The following CDH23 variants were observed in gnomAD, a reference collection of about 807,000 sequenced individuals.
The protein encoded by CDH23 is cadherin related 23.
CDH23 carries 189 observed loss-of-function variants against 317.1 expected under a neutral mutation model. The ratio of observed to expected loss-of-function variants is 0.60; its 90% CI spans 0.53 to 0.67. The LOEUF (loss-of-function observed/expected upper bound fraction) is 0.67. Among genes scored for constraint, CDH23 ranks in the 30% least tolerant of loss-of-function variants. The pLI, the probability that CDH23 is intolerant of heterozygous loss-of-function variation, is 0.00. For missense variants in CDH23, 4,401 were observed against 4,592.4 expected (o/e 0.96, Z 1.20); for synonymous variants, 1,839 against 1,876.8 (o/e 0.98, Z 0.52).
intron 3 of CDH23, among the ~76,000 whole-genome samples, chr10:71,454,298 C>T (rs1036228031): frequency 3.3e-5 from 5 of 152,176 alleles, no homozygotes; most frequent in African/African-American, 9.7e-5. Flanking sequence ...TTGTAAAACC[C>T]TTAGAACTGT....
At chr10:71,624,716 G>A (rs901942409) in intron 11 of CDH23, among the ~76,000 whole-genome samples, 2 of 149,216 alleles carry the variant, frequency 1.3e-5, no homozygotes, top group African/African-American at 5.0e-5. Context: ...AAAAGAAAAA[G>A]CATACTTTAG....
chr10:71,619,453 G>A (rs561463478), intron 11 of CDH23, among the ~76,000 whole-genome samples: 1 of 152,180 alleles, frequency 6.6e-6, no homozygotes, highest in African/African-American at 2.4e-5. Flanking sequence ...CCCCTTTAGG[G>A]CAGGCACCTC....
intron 49 of CDH23, among the ~76,000 whole-genome samples, 180 bp from the exon 50 acceptor site, chr10:71,798,174 G>A (rs1302028251): frequency 6.6e-6 from 1 of 152,046 alleles, no homozygotes; most frequent in Non-Finnish European, 1.5e-5. Context: ...GGAACAGCAA[G>A]TGAGCACACC....
intron 1 of CDH23, among the ~76,000 whole-genome samples, chr10:71,416,168 G>A (rs747654258): frequency 6.6e-6 from 1 of 152,098 alleles, no homozygotes; most frequent in Non-Finnish European, 1.5e-5. Flanking sequence ...GGGATTACAG[G>A]TGCGCACCAC....
intron 49 of CDH23, among the ~76,000 whole-genome samples, chr10:71,797,735 A>T (rs1365731293): frequency 1.3e-5 from 2 of 152,138 alleles, no homozygotes; most frequent in Non-Finnish European, 2.9e-5. Context: ...CCTTCTGCCA[A>T]TCGGGCCCAG....
At position 71,582,630 on chromosome 10, in the gene CDH23, G is replaced by C. The variant is rs868090066; in HGVS notation, c.832+4638G>C. On this transcript the variant is annotated intron_variant, in intron 9 of 69. Transcript: ENST00000224721. ...TCCGTTTTCCAATCTGTAAAATGGA[G>C]ATAACAGCCTCTGCCTCACAGGCCT... is the stretch of plus-strand genomic sequence containing the variant. Among the ~76,000 whole-genome samples, 11 of 152,130 alleles carry C rather than the reference G, an allele frequency of 7.2e-5. 1 individual carries two copies. The highest frequency in any genetic ancestry group is 6.2e-4 in the South Asian group (3 of 4,822).
At chr10:71,706,813 G>T in intron 25 of CDH23, 84 bp from the exon 26 acceptor site, 1 of 1,507,048 alleles carries the variant, frequency 6.6e-7, no homozygotes, top group South Asian at 1.3e-5. Flanking sequence ...TCCCTACTTG[G>T]TCTGGTGCTG....
intron 35 of CDH23, among the ~76,000 whole-genome samples, chr10:71,739,391 C>T (rs1481288230): frequency 6.6e-6 from 1 of 152,188 alleles, no homozygotes; most frequent in East Asian, 1.9e-4. Context: ...GGGACTCAAG[C>T]CCCACTCTTC....
At chr10:71,421,760 G>T (rs1848827713) in intron 1 of CDH23, among the ~76,000 whole-genome samples, 1 of 152,108 alleles carries the variant, frequency 6.6e-6, no homozygotes, top group Admixed American at 6.6e-5. Context: ...TAGTTACTGG[G>T]GAAGGGCAGG....
intron 6 of CDH23, among the ~76,000 whole-genome samples, chr10:71,538,704 G>T (rs771788165): frequency 3.9e-5 from 6 of 152,296 alleles, no homozygotes; most frequent in African/African-American, 1.4e-4. Context: ...CAACAAACTC[G>T]CAGGAGTTTG....
At chr10:71,466,893 T>C (rs1267558528) in intron 3 of CDH23, among the ~76,000 whole-genome samples, 6 of 152,176 alleles carry the variant, frequency 3.9e-5, no homozygotes, top group African/African-American at 1.4e-4. Context: ...TGTGTGTGTG[T>C]GCACGTGCAT....
At chr10:71,548,571 G>T (rs1856413386) in intron 6 of CDH23, among the ~76,000 whole-genome samples, 1 of 152,222 alleles carries the variant, frequency 6.6e-6, no homozygotes, top group African/African-American at 2.4e-5. Context: ...CCATGTGCAT[G>T]TGCAGCCTCC....
chr10:71,778,049 T>C, intron 39 of CDH23, 140 bp from the exon 40 acceptor site: 3 of 1,441,412 alleles, frequency 2.1e-6, no homozygotes, highest in Non-Finnish European at 2.8e-6. Context: ...AAAAGTTTGG[T>C]GGAGTGGAGC....
chr10:71,618,984 A>G lies in CDH23; in HGVS notation c.1134+1591A>G, dbSNP rs560186799. ...TTAGCCTCTTGGGGAGCCAAGTATA[A>G]CCCATGGTCCTAGGAGTCAACAGTG... On this transcript the variant is annotated intron_variant, in intron 11 of 69. Coordinates refer to ENST00000224721, the MANE Select transcript of CDH23 (RefSeq NM_022124.6). Among the ~76,000 whole-genome samples, 54 of 152,296 alleles carry G rather than the reference A, an allele frequency of 3.5e-4. No individual in the cohort carries two copies. In the South Asian group the frequency reaches 0.011, roughly 32 times the overall value.
Position 71,811,318 on chromosome 10 carries a change from G to A in CDH23, c.9081G>A (p.Val3027=). Residue 3027 remains valine (V), a synonymous_variant, in exon 63 of 70, where the codon GTG becomes GTA. Transcript: ENST00000224721. ...DTNRILDVDR[V]IQMIDENKEQ... ...GAGACCCCTGCCCCTCGCCCAGGGTGATCCAGATGATCGATGAGAACAAGG... is the reference window on the plus strand; with the variant it reads ...GAGACCCCTGCCCCTCGCCCAGGGTAATCCAGATGATCGATGAGAACAAGG... 6.2e-7 allele frequency: 1 copy of A among 1,613,804 alleles called. No individual in the cohort carries two copies. Among genetic ancestry groups the A allele is most frequent in the Non-Finnish European group, 8.5e-7 (1 of 1,179,828 alleles).
chr10:71,529,281 C>A (rs1042569065), intron 6 of CDH23, among the ~76,000 whole-genome samples: 3 of 152,116 alleles, frequency 2.0e-5, no homozygotes, highest in African/African-American at 7.2e-5. Flanking sequence ...CAAGAGTGAC[C>A]CAGATGTTCA....
chr10:71,528,505 C>A (rs549569568), intron 6 of CDH23, among the ~76,000 whole-genome samples: 2 of 152,356 alleles, frequency 1.3e-5, no homozygotes, highest in South Asian at 4.1e-4. Context: ...TGCAGCCGGC[C>A]TGCGGCAGAC....
intron 3 of CDH23, among the ~76,000 whole-genome samples, chr10:71,480,615 A>G (rs1442681361): frequency 6.6e-6 from 1 of 152,160 alleles, no homozygotes; most frequent in Non-Finnish European, 1.5e-5. Context: ...TGAAGGCAAG[A>G]TGGAGCAGGA....
intron 9 of CDH23, among the ~76,000 whole-genome samples, chr10:71,589,947 AGAG>A (rs1171262773): frequency 3.9e-5 from 6 of 152,358 alleles, no homozygotes; most frequent in Non-Finnish European, 5.9e-5. Context: ...CCCATTTTAC[AGAG>A]GAGGAAACTG....
Sources: gnomAD v4.1 joint callset for allele counts (sites outside exome capture counted in the v4.1 genomes callset) on GRCh38, gnomAD v4.1.1 for gene constraint, MANE v1.5 for transcripts, NCBI Gene and HGNC (gene_info 2026-07-23, HGNC 2026-07-21) for gene names.